The following ATP8A1 variants were observed in gnomAD, a reference collection of about 807,000 sequenced individuals.
ATP8A1 encodes phospholipid-transporting ATPase IA.
ATP8A1 carries 90 observed loss-of-function variants against 177.7 expected under a neutral mutation model. The ratio of observed to expected loss-of-function variants is 0.51; its 90% CI spans 0.43 to 0.60. The LOEUF (loss-of-function observed/expected upper bound fraction) is 0.60, where lower values mean the gene tolerates loss of function less well. Among genes scored for constraint, ATP8A1 ranks in the 20% least tolerant of loss-of-function variants. The pLI is 0.00. For synonymous variants in ATP8A1, 493 were observed against 485.9 expected (o/e 1.01, Z -0.19); for missense variants, 1,072 against 1,392.8 (o/e 0.77, Z 3.67).
chr4:42,539,523 TGGGGGCATCACATTA>T (rs1280488814), intron 20 of ATP8A1, among the ~76,000 whole-genome samples: 1 of 151,316 alleles, frequency 6.6e-6, no homozygotes, highest in African/African-American at 2.4e-5. Flanking sequence ...AGGACAAAGC[TGGGGGCATCACATTA>T]CCTACATTTA....
At chr4:42,495,342 A>G (rs1264403309) in intron 24 of ATP8A1, among the ~76,000 whole-genome samples, 2 of 152,328 alleles carry the variant, frequency 1.3e-5, no homozygotes, top group African/African-American at 4.8e-5. Context: ...ACCATTGGGT[A>G]TTACTTGCTT....
chr4:42,460,425 T>C (rs1718997113), intron 27 of ATP8A1, among the ~76,000 whole-genome samples: 2 of 147,238 alleles, frequency 1.4e-5, no homozygotes, highest in African/African-American at 2.5e-5. Context: ...TCTTGCTTTG[T>C]TGCCCAGGCT....
chr4:42,527,532 C>T (rs1726801858), intron 20 of ATP8A1, among the ~76,000 whole-genome samples: 6 of 152,144 alleles, frequency 3.9e-5, no homozygotes, highest in East Asian at 1.9e-4. Flanking sequence ...CCTGAGGTAA[C>T]AACGATGGCC....
intron 1 of ATP8A1, among the ~76,000 whole-genome samples, chr4:42,653,931 C>T (rs1741372359): frequency 6.6e-6 from 1 of 152,210 alleles, no homozygotes; most frequent in Non-Finnish European, 1.5e-5. Flanking sequence ...TTATGACTGT[C>T]TTCAACACTC....
intron 1 of ATP8A1, among the ~76,000 whole-genome samples, chr4:42,648,965 A>C (rs1740822775): frequency 2.6e-5 from 4 of 152,220 alleles, no homozygotes; most frequent in Admixed American, 2.6e-4. Flanking sequence ...TGGGAGTGTA[A>C]ACCAGTATAA....
chr4:42,632,533 G>A (rs963133007), intron 1 of ATP8A1, among the ~76,000 whole-genome samples: 1 of 152,190 alleles, frequency 6.6e-6, no homozygotes. Context: ...GAAGGACCAA[G>A]AATTTCAGTA....
At chr4:42,467,498 C>T (rs893969150) in intron 25 of ATP8A1, among the ~76,000 whole-genome samples, 1 of 152,028 alleles carries the variant, frequency 6.6e-6, no homozygotes, top group Non-Finnish European at 1.5e-5. Flanking sequence ...TCGAGACCAG[C>T]CTGGGCAACA....
At chr4:42,603,225 C>T (rs747236179) in intron 5 of ATP8A1, among the ~76,000 whole-genome samples, 9 of 152,158 alleles carry the variant, frequency 5.9e-5, no homozygotes, top group Non-Finnish European at 1.2e-4. Flanking sequence ...AGCTATCTTT[C>T]TGTACTTATT....
At chr4:42,515,141 C>A (rs1280820177) in intron 22 of ATP8A1, among the ~76,000 whole-genome samples, 2 of 152,110 alleles carry the variant, frequency 1.3e-5, no homozygotes, top group South Asian at 4.1e-4. Flanking sequence ...GTGAAAATTG[C>A]GGAGCTTAGT....
chr4:42,598,366 T>A (rs1314460342), intron 6 of ATP8A1, among the ~76,000 whole-genome samples: 1 of 152,170 alleles, frequency 6.6e-6, no homozygotes, highest in Non-Finnish European at 1.5e-5. Flanking sequence ...TCTATACTAC[T>A]TAAATCTGCT....
chr4:42,435,841 C>G (rs540971625), intron 33 of ATP8A1, among the ~76,000 whole-genome samples: 1 of 152,320 alleles, frequency 6.6e-6, no homozygotes, highest in East Asian at 1.9e-4. Flanking sequence ...CCTGGAACAC[C>G]CATTATAATC....
chr4:42,443,051 T>C (rs966499166), intron 33 of ATP8A1, among the ~76,000 whole-genome samples: 9 of 152,166 alleles, frequency 5.9e-5, no homozygotes, highest in African/African-American at 1.7e-4. Flanking sequence ...AAATGGACTA[T>C]GATAAGGCTG....
intron 15 of ATP8A1, 94 bp downstream of exon 15, chr4:42,569,067 A>G (rs1266162307): frequency 7.2e-6 from 4 of 554,096 alleles, no homozygotes; most frequent in Non-Finnish European, 8.1e-6. Flanking sequence ...ATATATATAT[A>G]TTTATATAAA....
At chr4:42,445,402 ATTT>A (rs969757053) in intron 31 of ATP8A1, among the ~76,000 whole-genome samples, 3 of 150,974 alleles carry the variant, frequency 2.0e-5, no homozygotes, top group Non-Finnish European at 4.4e-5. Context: ...TCTTACAGAG[ATTT>A]TTTTTTTCTT....
At chr4:42,444,463 G>C in intron 32 of ATP8A1, 115 bp downstream of exon 32, 1 of 986,408 alleles carries the variant, frequency 1.0e-6, no homozygotes, top group Non-Finnish European at 1.5e-6. Flanking sequence ...AAAACCTGTG[G>C]ACTAGGACAT....
At chr4:42,443,443 A>G (rs1005445904) in intron 33 of ATP8A1, 122 bp downstream of exon 33, 13 of 541,586 alleles carry the variant, frequency 2.4e-5, no homozygotes, top group African/African-American at 5.8e-5. Flanking sequence ...CAGCTTTTAA[A>G]TGGTCAAATC....
intron 1 of ATP8A1, among the ~76,000 whole-genome samples, chr4:42,633,664 A>T (rs779023383): frequency 3.3e-5 from 5 of 152,224 alleles, no homozygotes; most frequent in Admixed American, 6.5e-5. Context: ...AACTAATAAC[A>T]GTATCTTACC....
chr4:42,602,651 C>A (rs751208491), intron 5 of ATP8A1, among the ~76,000 whole-genome samples: 2 of 152,142 alleles, frequency 1.3e-5, no homozygotes, highest in Non-Finnish European at 2.9e-5. Context: ...CACCCGTAGT[C>A]CCAGCTACTT....
intron 12 of ATP8A1, among the ~76,000 whole-genome samples, chr4:42,577,648 A>G (rs1338551603): frequency 6.6e-6 from 1 of 152,164 alleles, no homozygotes; most frequent in East Asian, 1.9e-4. Context: ...ATTTAAAAAC[A>G]TTTAGAAAGT....
Sources: allele counts gnomAD v4.1 joint callset (sites outside exome capture counted in the v4.1 genomes callset), GRCh38; gene constraint gnomAD v4.1.1; transcripts MANE v1.5; gene names NCBI Gene and HGNC (gene_info 2026-07-23, HGNC 2026-07-21).